PCLAF: variants seen among roughly 807,000 people sequenced by gnomAD.
PCLAF encodes PCNA-associated factor.
A neutral mutation model predicts 15.1 loss-of-function variants in PCLAF; 12 were observed. The observed-to-expected ratio is 0.79, with a 90% CI of 0.51 to 1.29. The LOEUF is 1.29. Among genes scored for constraint, PCLAF ranks in the 50% most tolerant of loss-of-function variants. PCLAF has a pLI of 0.00. For synonymous variants in PCLAF, 33 were observed against 47.1 expected (o/e 0.70, Z 1.22); for missense variants, 116 against 130.9 (o/e 0.89, Z 0.56).
intron 1 of PCLAF, 71 bp downstream of exon 1, chr15:64,381,255 G>A (rs1468002241): frequency 5.1e-6 from 8 of 1,560,306 alleles, no homozygotes; most frequent in Non-Finnish European, 7.1e-6. Context: ...GGGACCTCTG[G>A]CGTCTGTCGC....
At chr15:64,387,523 T>C in exon 1 of PCLAF, 1 of 1,308,898 alleles carries the variant, frequency 7.6e-7, no homozygotes, top group Non-Finnish European at 9.9e-7. Context: ...CTCTCAGCTT[T>C]CCGGGTATTG....
intron 3 of PCLAF, among the ~76,000 whole-genome samples, chr15:64,374,284 G>C (rs1457216665): frequency 1.3e-5 from 2 of 152,150 alleles, no homozygotes; most frequent in African/African-American, 4.8e-5. Context: ...GCACTCGCCT[G>C]TAATCCCAGC....
chr15:64,367,020 A>T (rs1832357568), intron 3 of PCLAF, among the ~76,000 whole-genome samples: 1 of 151,410 alleles, frequency 6.6e-6, no homozygotes, highest in African/African-American at 2.4e-5. Flanking sequence ...AGTTTCAGCG[A>T]CTCAGGAGGC....
At chr15:64,385,820 G>GA (rs957876217), upstream of PCLAF, among the ~76,000 whole-genome samples, 4 of 151,986 alleles carry the variant, frequency 2.6e-5, no homozygotes, top group Non-Finnish European at 5.9e-5. Context: ...AAAAAGGTGA[G>GA]AAAAAATATT....
chr15:64,387,325 T>A, intron 1 of PCLAF: 2 of 436,068 alleles, frequency 4.6e-6, no homozygotes, highest in South Asian at 1.1e-4. Flanking sequence ...GAGCTTGCAG[T>A]GAGCCGAGAT....
chr15:64,376,935 A>G (rs1220907178), intron 2 of PCLAF, 30 bp from the exon 3 acceptor site: 8 of 1,568,968 alleles, frequency 5.1e-6, no homozygotes, highest in African/African-American at 2.7e-5. Context: ...GGAACTAGAT[A>G]AGTGCTAATA....
chr15:64,377,435 A>C (rs2140529763), intron 2 of PCLAF, among the ~76,000 whole-genome samples: 1 of 131,960 alleles, frequency 7.6e-6, no homozygotes, highest in African/African-American at 2.8e-5. Flanking sequence ...CCGCCACTGC[A>C]CACTCCAGTC....
chr15:64,371,699 T>C (rs1406167298), intron 3 of PCLAF, among the ~76,000 whole-genome samples: 1 of 152,032 alleles, frequency 6.6e-6, no homozygotes, highest in African/African-American at 2.4e-5. Context: ...TGGGTTCAAG[T>C]GATTCTCCTG....
intron 2 of PCLAF, among the ~76,000 whole-genome samples, chr15:64,380,391 A>G (rs556409367): frequency 6.6e-6 from 1 of 152,152 alleles, no homozygotes; most frequent in Admixed American, 6.6e-5. Flanking sequence ...TCAAAAAAAG[A>G]AAGAGAAAGA....
upstream of PCLAF, chr15:64,381,450 A>G: frequency 6.2e-7 from 1 of 1,604,876 alleles, no homozygotes; most frequent in East Asian, 2.2e-5. Context: ...GGACCCGAAA[A>G]CTATCCCGCC....
intron 3 of PCLAF, among the ~76,000 whole-genome samples, chr15:64,375,235 C>T (rs1345126236): frequency 6.6e-6 from 1 of 152,142 alleles, no homozygotes; most frequent in Non-Finnish European, 1.5e-5. Flanking sequence ...AGCAATTCTC[C>T]TGCTTCAGCC....
chr15:64,380,788 C>T (rs1899787960), intron 2 of PCLAF, among the ~76,000 whole-genome samples, 170 bp downstream of exon 2: 1 of 152,068 alleles, frequency 6.6e-6, no homozygotes, highest in South Asian at 2.1e-4. Context: ...TTCCATGAGA[C>T]CTCCCCCCCA....
At chr15:64,374,525 C>A (rs1052932050) in intron 3 of PCLAF, among the ~76,000 whole-genome samples, 1 of 147,696 alleles carries the variant, frequency 6.8e-6, no homozygotes. Flanking sequence ...GGCAACAGAG[C>A]GAAACTCCGT....
intron 3 of PCLAF, among the ~76,000 whole-genome samples, chr15:64,369,934 G>A (rs1899210108): frequency 1.3e-5 from 2 of 152,114 alleles, no homozygotes; most frequent in South Asian, 4.1e-4. Flanking sequence ...GTCAAGATCT[G>A]TTGGATCTGC....
intron 3 of PCLAF, among the ~76,000 whole-genome samples, chr15:64,367,398 G>A (rs1309567694): frequency 6.6e-6 from 1 of 151,494 alleles, no homozygotes; most frequent in Non-Finnish European, 1.5e-5. Flanking sequence ...AGCTACTTGG[G>A]AGGCTCAGCC....
intron 3 of PCLAF, among the ~76,000 whole-genome samples, chr15:64,369,034 G>C (rs760786360): frequency 5.9e-5 from 9 of 152,156 alleles, no homozygotes; most frequent in Non-Finnish European, 1.2e-4. Context: ...ATTGGATCAG[G>C]AAAGCAAAAC....
At chr15:64,383,262 A>G (rs188697709), upstream of PCLAF, among the ~76,000 whole-genome samples, 135 of 152,294 alleles carry the variant, frequency 8.9e-4, no homozygotes, top group African/African-American at 3.0e-3. Context: ...TAACCTTGGT[A>G]TCTAAGGTTA....
intron 1 of PCLAF, 31 bp downstream of exon 1, chr15:64,381,295 C>T: frequency 6.2e-7 from 1 of 1,610,994 alleles, no homozygotes; most frequent in Non-Finnish European, 8.5e-7. Flanking sequence ...AGGACCCCCC[C>T]GCCCTCCAGT....
intron 3 of PCLAF, among the ~76,000 whole-genome samples, chr15:64,370,823 A>T (rs1324909580): frequency 1.5e-5 from 2 of 133,866 alleles, no homozygotes; most frequent in African/African-American, 5.5e-5. Context: ...TCAGACTCAT[A>T]AAGTTGTTTT....
Sources: gnomAD v4.1 joint callset for allele counts (sites outside exome capture counted in the v4.1 genomes callset) on GRCh38, gnomAD v4.1.1 for gene constraint, MANE v1.5 for transcripts, NCBI Gene and HGNC (gene_info 2026-07-23, HGNC 2026-07-21) for gene names.